EDIL3: variants seen among roughly 807,000 people sequenced by gnomAD.
EDIL3 encodes the protein EGF-like repeat and discoidin I-like domain-containing protein 3.
A neutral mutation model predicts 67.4 loss-of-function variants in EDIL3; 37 were observed. The observed-to-expected ratio is 0.55, with a 90% CI of 0.42 to 0.72. The LOEUF (loss-of-function observed/expected upper bound fraction) is 0.72. Ranked by LOEUF, EDIL3 falls within the 30% of genes least tolerant of loss-of-function variation. EDIL3 has a pLI of 0.00. For synonymous variants in EDIL3, 195 were observed against 196.3 expected, an observed-to-expected ratio of 0.99 and a Z score of 0.05; for missense variants, 527 against 586.3, an observed-to-expected ratio of 0.90 and a Z score of 1.04.
chr5:83,987,902 G>C (rs546904015), intron 9 of EDIL3, among the ~76,000 whole-genome samples: 2 of 133,946 alleles, frequency 1.5e-5, no homozygotes, highest in East Asian at 4.0e-4. Flanking sequence ...TAGCTTAATA[G>C]TTTATTTTTA....
Position 84,139,070 on chromosome 5 carries a change from TCTA to T in EDIL3, c.356-1719_356-1717del, listed in dbSNP as rs528947012. On this transcript the variant is annotated intron_variant, in intron 4 of 10. Transcript: ENST00000296591. ...CTGGCCAACATGGTGAAACCTTGTC[TCTA>T]CTAAAAATACAAAAATTAGCTGGTG... Among the ~76,000 whole-genome samples, 551 of 152,200 alleles carry T rather than the reference TCTA, an allele frequency of 3.6e-3. 4 individuals are homozygous for T. The highest frequency in any genetic ancestry group is 0.013 in the African/African-American group (527 of 41,532).
chr5:84,177,793 C>T (rs1156253165), intron 4 of EDIL3, among the ~76,000 whole-genome samples: 1 of 151,852 alleles, frequency 6.6e-6, no homozygotes, highest in African/African-American at 2.4e-5. Flanking sequence ...GGTAATAATG[C>T]CGATGCTGGA....
chr5:84,381,518 TA>T lies in EDIL3; in HGVS notation c.67+2789del, dbSNP rs767215185. On this transcript the variant is annotated intron_variant, in intron 1 of 10. Transcript: ENST00000296591. ...TGTATAAATGTAACTATACTAATCA[TA>T]AAAGGTTAGTGTTGTTATCTGGAGT... is the stretch of plus-strand genomic sequence containing the variant. Among the ~76,000 whole-genome samples the T allele has an allele frequency of 5.3e-5, 8 of 152,136 alleles. No individual in the cohort carries two copies. The East Asian group carries it at 1.5e-3, about 29-fold the overall frequency.
Position 84,057,173 on chromosome 5 carries a change from G to A in EDIL3, c.1137+3127C>T, listed in dbSNP as rs573671942. Among the ~76,000 whole-genome samples the A allele has an allele frequency of 2.0e-5, 3 of 152,194 alleles. No homozygotes were observed. The South Asian group carries it at 6.2e-4, about 32-fold the overall frequency. Reference sequence around the variant, plus strand: ...GAACTACTCCTTGAATTAACACAAAGTCTATTATGAACACAATGAATCAAT... The same window carrying A: ...GAACTACTCCTTGAATTAACACAAAATCTATTATGAACACAATGAATCAAT... On this transcript the variant is annotated intron_variant, in intron 9 of 10. Coordinates refer to ENST00000296591, the MANE Select transcript of EDIL3 (RefSeq NM_005711.5).
At chr5:84,233,233 A>G (rs16900997) in intron 2 of EDIL3, among the ~76,000 whole-genome samples, 26,015 of 152,174 alleles carry the variant, frequency 0.17, 2,334 homozygotes, top group Middle Eastern at 0.3. Flanking sequence ...TAATCCTCCT[A>G]TCACCCATAA....
intron 9 of EDIL3, among the ~76,000 whole-genome samples, chr5:84,026,869 T>C (rs1745824856): frequency 2.0e-5 from 3 of 152,154 alleles, no homozygotes; most frequent in Admixed American, 2.0e-4. Context: ...GCTGATCACT[T>C]GAGCCCAGGA....
chr5:84,095,629 T>C (rs987022787), intron 6 of EDIL3, among the ~76,000 whole-genome samples: 1 of 152,218 alleles, frequency 6.6e-6, no homozygotes, highest in Non-Finnish European at 1.5e-5. Flanking sequence ...CAGCAAAGCA[T>C]TCAAGAGCTG....
intron 6 of EDIL3, among the ~76,000 whole-genome samples, chr5:84,078,252 C>T (rs1342310893): frequency 3.3e-5 from 5 of 152,020 alleles, no homozygotes; most frequent in African/African-American, 9.7e-5. Flanking sequence ...AGGTGACTAT[C>T]CCCAGAGGAA....
At chr5:84,296,699 T>C (rs1746057726) in intron 1 of EDIL3, among the ~76,000 whole-genome samples, 1 of 152,190 alleles carries the variant, frequency 6.6e-6, no homozygotes, top group Admixed American at 6.5e-5. Flanking sequence ...TTTGTTTCAA[T>C]TGTTTTTGGC....
intron 1 of EDIL3, among the ~76,000 whole-genome samples, chr5:84,296,520 G>C (rs2112124799): frequency 6.6e-6 from 1 of 151,328 alleles, no homozygotes; most frequent in East Asian, 1.9e-4. Flanking sequence ...GAGAAAATAT[G>C]TTTTTAAGCT....
At chr5:84,023,569 C>G (rs1745755512) in intron 9 of EDIL3, among the ~76,000 whole-genome samples, 1 of 151,996 alleles carries the variant, frequency 6.6e-6, no homozygotes. Context: ...AATTTCAAAA[C>G]TGAACAAAAG....
intron 1 of EDIL3, among the ~76,000 whole-genome samples, chr5:84,280,606 T>TA (rs1745675453): frequency 6.6e-6 from 1 of 152,162 alleles, no homozygotes; most frequent in Non-Finnish European, 1.5e-5. Context: ...ACTAGTTTTG[T>TA]AAGTTTGGAA....
intron 6 of EDIL3, among the ~76,000 whole-genome samples, chr5:84,069,447 A>G (rs1746696693): frequency 6.6e-6 from 1 of 152,172 alleles, no homozygotes; most frequent in South Asian, 2.1e-4. Context: ...CTCCCTGTAA[A>G]GGAGGTTTTA....
intron 1 of EDIL3, among the ~76,000 whole-genome samples, chr5:84,346,593 C>CT (rs1027139414): frequency 1.3e-5 from 2 of 152,006 alleles, no homozygotes; most frequent in Non-Finnish European, 2.9e-5. Flanking sequence ...ACTTTCATTC[C>CT]TTTTTTTCTG....
chr5:84,017,096 T>A (rs1272844125), intron 9 of EDIL3, among the ~76,000 whole-genome samples: 2 of 152,216 alleles, frequency 1.3e-5, no homozygotes, highest in Admixed American at 6.5e-5. Flanking sequence ...ATAACGTTTT[T>A]AATGAAGATC....
intron 9 of EDIL3, among the ~76,000 whole-genome samples, chr5:83,965,533 T>C (rs1251119358): frequency 6.6e-6 from 1 of 152,068 alleles, no homozygotes; most frequent in Non-Finnish European, 1.5e-5. Flanking sequence ...TCAAACAGTG[T>C]CACCAAGAAT....
chr5:84,059,027 A>C (rs1299347317), intron 9 of EDIL3, among the ~76,000 whole-genome samples: 1 of 152,152 alleles, frequency 6.6e-6, no homozygotes, highest in Non-Finnish European at 1.5e-5. Flanking sequence ...GATCAATAAA[A>C]AATGTTAAGG....
intron 9 of EDIL3, among the ~76,000 whole-genome samples, chr5:84,057,281 T>C (rs1346572): frequency 0.38 from 57,055 of 151,990 alleles, 12,148 homozygotes; most frequent in African/African-American, 0.59. Context: ...CTGAAGATTA[T>C]GCCCTGATTC....
At chr5:84,006,436 AT>A (rs1745418242) in intron 9 of EDIL3, among the ~76,000 whole-genome samples, 1 of 152,164 alleles carries the variant, frequency 6.6e-6, no homozygotes, top group South Asian at 2.1e-4. Context: ...GCTGGAGGCC[AT>A]TATGCTATGC....
Sources: gnomAD v4.1 joint callset for allele counts (sites outside exome capture counted in the v4.1 genomes callset) on GRCh38, gnomAD v4.1.1 for gene constraint, MANE v1.5 for transcripts, NCBI Gene and HGNC (gene_info 2026-07-23, HGNC 2026-07-21) for gene names.